The following SRGAP3 variants were observed in gnomAD, a reference collection of about 807,000 sequenced individuals.
The protein encoded by SRGAP3 is SLIT-ROBO Rho GTPase activating protein 3, also known as SLIT-ROBO Rho GTPase-activating protein 3.
A neutral mutation model predicts 121.1 loss-of-function variants in SRGAP3; 39 were observed. That is an observed-to-expected ratio of 0.32 (90% CI 0.25 to 0.42). SRGAP3 has a LOEUF of 0.42. Ranked by LOEUF, SRGAP3 falls within the 10% of genes least tolerant of loss-of-function variation. The pLI, the probability that SRGAP3 is intolerant of heterozygous loss-of-function variation, is 1.00. For missense variants in SRGAP3, 1,213 were observed against 1,470.6 expected, an observed-to-expected ratio of 0.82 and a Z score of 2.86; for synonymous variants, 601 against 570.0, an observed-to-expected ratio of 1.05 and a Z score of -0.77.
chr3:9,118,146 A>G (rs2124958003), intron 2 of SRGAP3, among the ~76,000 whole-genome samples: 1 of 152,278 alleles, frequency 6.6e-6, no homozygotes, highest in East Asian at 1.9e-4. Flanking sequence ...ATAAGTAAAT[A>G]TGTAAATAAA....
intron 2 of SRGAP3, among the ~76,000 whole-genome samples, chr3:9,120,329 C>A (rs770828142): frequency 6.6e-6 from 1 of 152,226 alleles, no homozygotes; most frequent in East Asian, 1.9e-4. Flanking sequence ...GCTGATGGCA[C>A]GCAGGTGCAG....
intron 3 of SRGAP3, among the ~76,000 whole-genome samples, chr3:9,303,386 C>CT (rs1955101399): frequency 6.6e-6 from 1 of 150,686 alleles, no homozygotes; most frequent in Admixed American, 6.6e-5. Context: ...GATCGCACCA[C>CT]TGCACTCCAG....
chr3:9,256,232 A>C (rs13320937), intron 3 of SRGAP3, among the ~76,000 whole-genome samples: 7,144 of 152,230 alleles, frequency 0.047, 559 homozygotes, highest in African/African-American at 0.16. Flanking sequence ...CTCAGCCCAC[A>C]TGTCTGCGTG....
chr3:9,257,037 T>A, intron 3 of SRGAP3: 1 of 395,160 alleles, frequency 2.5e-6, no homozygotes, highest in Non-Finnish European at 4.5e-6. Context: ...AATCTCCATC[T>A]GTCTACATTC....
At chr3:9,354,288 C>T (rs1301393958) in intron 1 of SRGAP3, among the ~76,000 whole-genome samples, 3 of 152,140 alleles carry the variant, frequency 2.0e-5, no homozygotes, top group Non-Finnish European at 4.4e-5. Context: ...GCAGAAGTGG[C>T]TAACAGTCCT....
chr3:9,042,497 A>C (rs560500882), intron 10 of SRGAP3, among the ~76,000 whole-genome samples: 45 of 152,120 alleles, frequency 3.0e-4, no homozygotes, highest in African/African-American at 9.2e-4. Context: ...GAAGAGAGTA[A>C]TCTGGGTCTG....
intron 3 of SRGAP3, among the ~76,000 whole-genome samples, chr3:9,281,786 C>T (rs764046189): frequency 3.9e-5 from 6 of 152,068 alleles, no homozygotes; most frequent in Non-Finnish European, 5.9e-5. Flanking sequence ...GATTCTCATG[C>T]CTCAGTCTCC....
At chr3:9,063,588 C>T (rs1035529443) in intron 5 of SRGAP3, among the ~76,000 whole-genome samples, 10 of 152,124 alleles carry the variant, frequency 6.6e-5, no homozygotes, top group Non-Finnish European at 1.5e-4. Context: ...ATCCTCCCGC[C>T]TTGGCCTCCC....
chr3:9,197,218 T>C (rs931330997), intron 1 of SRGAP3, among the ~76,000 whole-genome samples: 1 of 152,242 alleles, frequency 6.6e-6, no homozygotes, highest in African/African-American at 2.4e-5. Flanking sequence ...CAGATGTCAA[T>C]GCTAGAAAGG....
chr3:8,996,598 A>T (rs1215628533), intron 18 of SRGAP3, among the ~76,000 whole-genome samples: 1 of 152,214 alleles, frequency 6.6e-6, no homozygotes, highest in Non-Finnish European at 1.5e-5. Flanking sequence ...AGCACCACTA[A>T]ATGGGTCAGA....
chr3:9,154,516 A>C, intron 1 of SRGAP3, among the ~76,000 whole-genome samples: 1 of 149,760 alleles, frequency 6.7e-6, no homozygotes, highest in Admixed American at 6.7e-5. Context: ...TCAAGGCCCC[A>C]CCCCACTCCT....
chr3:9,121,233 C>T (rs1251184998), intron 2 of SRGAP3, among the ~76,000 whole-genome samples: 2 of 152,318 alleles, frequency 1.3e-5, no homozygotes, highest in Admixed American at 6.5e-5. Context: ...TGACCCACTG[C>T]AATGGGAATA....
intron 3 of SRGAP3, among the ~76,000 whole-genome samples, chr3:9,294,997 G>A (rs1465417452): frequency 6.6e-6 from 1 of 152,126 alleles, no homozygotes; most frequent in African/African-American, 2.4e-5. Flanking sequence ...GAAACTCCTA[G>A]GAAATCTTTT....
At chr3:9,302,555 C>T (rs1955079580) in intron 3 of SRGAP3, among the ~76,000 whole-genome samples, 1 of 152,188 alleles carries the variant, frequency 6.6e-6, no homozygotes. Flanking sequence ...ACTGGGACTC[C>T]GCCCCAGCAC....
At chr3:9,361,561 T>C (rs933088339) in intron 1 of SRGAP3, among the ~76,000 whole-genome samples, 4 of 152,168 alleles carry the variant, frequency 2.6e-5, no homozygotes, top group African/African-American at 9.7e-5. Context: ...ACAGGCCCTC[T>C]CTTGGCCAAG....
rs568738200 is a variant in SRGAP3, at chr3:9,037,499, G to A, written c.1436+564C>T. The A allele has an allele frequency of 3.3e-4, 52 of 155,366 alleles. No individual in the cohort carries two copies. The South Asian group carries it at 8.7e-3, about 26-fold the overall frequency. The allele number at this position is 155,366 out of a possible 1,614,324, so 9.6% of individuals were successfully genotyped here. On this transcript the variant is annotated intron_variant, in intron 11 of 21. Transcript: ENST00000383836. Reference sequence around the variant, plus strand: ...GCTGAAGAGAAAGCAGAAGTTGCCCGTGTGTTACTTTCCGTCAGCTCATCC... The same window carrying A: ...GCTGAAGAGAAAGCAGAAGTTGCCCATGTGTTACTTTCCGTCAGCTCATCC...
intron 3 of SRGAP3, among the ~76,000 whole-genome samples, chr3:9,322,802 G>A (rs186842531): frequency 6.6e-6 from 1 of 151,766 alleles, no homozygotes; most frequent in African/African-American, 2.4e-5. Context: ...GTAAAAAATT[G>A]TTTACATACA....
intron 2 of SRGAP3, among the ~76,000 whole-genome samples, chr3:9,116,455 G>A (rs952952956): frequency 1.3e-5 from 2 of 152,204 alleles, no homozygotes; most frequent in African/African-American, 4.8e-5. Flanking sequence ...CGACTGAAGT[G>A]AGAGAACCAG....
At chr3:8,995,629 G>C (rs1214632447) in intron 18 of SRGAP3, among the ~76,000 whole-genome samples, 1 of 152,202 alleles carries the variant, frequency 6.6e-6, no homozygotes, top group Non-Finnish European at 1.5e-5. Context: ...TTGAACTGCA[G>C]AGAGTTTAAG....
Sources: gnomAD v4.1 joint callset for allele counts (sites outside exome capture counted in the v4.1 genomes callset) on GRCh38, gnomAD v4.1.1 for gene constraint, MANE v1.5 for transcripts, NCBI Gene and HGNC (gene_info 2026-07-23, HGNC 2026-07-21) for gene names.